The following CCDC172 variants were observed in gnomAD, a reference collection of about 807,000 sequenced individuals.
The protein encoded by CCDC172 is coiled-coil domain-containing protein 172.
A neutral mutation model predicts 38.0 loss-of-function variants in CCDC172; 30 were observed. The observed-to-expected ratio is 0.79, with a 90% CI of 0.59 to 1.07. The LOEUF (loss-of-function observed/expected upper bound fraction) is 1.07. Ranked by LOEUF, CCDC172 falls within the 50% of genes least tolerant of loss-of-function variation. The pLI, the probability that CCDC172 is intolerant of heterozygous loss-of-function variation, is 0.00. For missense variants in CCDC172, 297 were observed against 290.1 expected, an observed-to-expected ratio of 1.02 and a Z score of -0.17; for synonymous variants, 78 against 88.3, an observed-to-expected ratio of 0.88 and a Z score of 0.66.
chr10:116,325,062 G>T lies in CCDC172; in HGVS notation c.51G>T (p.Ala17=). 6.2e-7 allele frequency: 1 copy of T among 1,614,036 alleles called. No homozygotes were observed. The highest frequency in any genetic ancestry group is 8.5e-7 in the Non-Finnish European group (1 of 1,180,018). ...ACATCATCTTCACCGAGCATCAGGCGGAGGAGAGTCGCCGTTTGATGCGAG... is the reference window on the plus strand; with the variant it reads ...ACATCATCTTCACCGAGCATCAGGCTGAGGAGAGTCGCCGTTTGATGCGAG... ...FQHIIFTEHQ[A]EESRRLMREV... Residue 17 remains alanine (A), a synonymous_variant, in exon 2 of 9, where the codon GCG becomes GCT. Coordinates refer to ENST00000333254, the MANE Select transcript of CCDC172 (RefSeq NM_198515.3).
chr10:116,354,292 T>C (rs1040902772), intron 5 of CCDC172, among the ~76,000 whole-genome samples: 2 of 152,230 alleles, frequency 1.3e-5, no homozygotes, highest in African/African-American at 4.8e-5. Flanking sequence ...TTATGTATTA[T>C]TATACTTTTT....
intron 7 of CCDC172, among the ~76,000 whole-genome samples, chr10:116,366,998 A>G (rs1027658148): frequency 6.6e-6 from 1 of 152,042 alleles, no homozygotes; most frequent in East Asian, 1.9e-4. Context: ...TGTTTGAGTA[A>G]TTTGTCTTTT....
chr10:116,342,396 T>C, intron 5 of CCDC172, 195 bp downstream of exon 5: 1 of 426,482 alleles, frequency 2.3e-6, no homozygotes, highest in South Asian at 3.5e-5. Flanking sequence ...ACATGTGACA[T>C]GAACATTTGG....
In CCDC172 at chr10:116,361,984, T is replaced by C. The variant is rs187698982; in HGVS notation, c.653+4046T>C. On this transcript the variant is annotated intron_variant, in intron 7 of 8. Coordinates refer to ENST00000333254, the MANE Select transcript of CCDC172 (RefSeq NM_198515.3). ...GGGGCAGATCACGAGGTCAGGAGAT[T>C]GAGACCATCCTGGCTAACATGGTGA... Among the ~76,000 whole-genome samples the C allele has an allele frequency of 5.7e-3, 874 of 152,162 alleles. 11 individuals are homozygous for C. The highest frequency in any genetic ancestry group is 0.018 in the African/African-American group (733 of 41,510).
intron 3 of CCDC172, among the ~76,000 whole-genome samples, chr10:116,327,376 T>C (rs546818000): frequency 6.6e-6 from 1 of 152,292 alleles, no homozygotes; most frequent in African/African-American, 2.4e-5. Flanking sequence ...AGGTTGCTTA[T>C]ACAAGTTTTT....
At chr10:116,337,006 C>T (rs1844740635) in intron 3 of CCDC172, among the ~76,000 whole-genome samples, 1 of 151,696 alleles carries the variant, frequency 6.6e-6, no homozygotes, top group Admixed American at 6.6e-5. Flanking sequence ...ATTAAAAAAT[C>T]AAATATCCCA....
chr10:116,329,362 T>A (rs1844629251), intron 3 of CCDC172, among the ~76,000 whole-genome samples: 1 of 151,826 alleles, frequency 6.6e-6, no homozygotes, highest in Non-Finnish European at 1.5e-5. Flanking sequence ...GATATGCCAA[T>A]CATTCTTTGA....
chr10:116,358,365 A>G (rs1845025842), intron 7 of CCDC172, among the ~76,000 whole-genome samples: 1 of 151,996 alleles, frequency 6.6e-6, no homozygotes, highest in Non-Finnish European at 1.5e-5. Context: ...GTGAAAATGT[A>G]TTTTCTGTAT....
rs759789240 is a variant in CCDC172, at chr10:116,325,032, T to G, written c.21T>G (p.Phe7Leu). 2 of 1,614,150 alleles carry G rather than the reference T, an allele frequency of 1.2e-6. No individual in the cohort carries two copies. The highest frequency in any genetic ancestry group is 1.1e-5 in the South Asian group (1 of 91,082). Residue 7 changes from phenylalanine to leucine, a missense_variant, in exon 2 of 9, where the codon TTT (phenylalanine) becomes TTG (leucine). Phe to Leu is a conservative substitution (Grantham distance 22). Coordinates refer to ENST00000333254, the MANE Select transcript of CCDC172 (RefSeq NM_198515.3). ...CTGAGATGAGCTTGGAGTCCCTGTTTCAGCACATCATCTTCACCGAGCATC... is the reference window on the plus strand; with the variant it reads ...CTGAGATGAGCTTGGAGTCCCTGTTGCAGCACATCATCTTCACCGAGCATC... MSLESL[F>L]QHIIFTEHQA...
At chr10:116,327,826 C>T (rs920267096) in intron 3 of CCDC172, among the ~76,000 whole-genome samples, 1 of 152,070 alleles carries the variant, frequency 6.6e-6, no homozygotes, top group Non-Finnish European at 1.5e-5. Context: ...AATTATAATG[C>T]ATATGACTAA....
At chr10:116,351,687 G>A (rs751808674) in intron 5 of CCDC172, among the ~76,000 whole-genome samples, 21 of 152,270 alleles carry the variant, frequency 1.4e-4, no homozygotes, top group Non-Finnish European at 2.2e-4. Context: ...AAAATTATAT[G>A]AGAAACTACT....
chr10:116,362,139 G>A lies in CCDC172; in HGVS notation c.653+4201G>A, dbSNP rs76807221. On this transcript the variant is annotated intron_variant, in intron 7 of 8. Coordinates refer to ENST00000333254, the MANE Select transcript of CCDC172 (RefSeq NM_198515.3). ...TGAGAGGCAGAGCTTGCAGTGAGCC[G>A]AGATCGCTTTTCATACCCTTGCTCT... 2.1e-3 allele frequency among the ~76,000 whole-genome samples: 322 copies of A among 152,268 alleles called. 1 individual carries two copies. The East Asian group carries it at 0.039, about 19-fold the overall frequency.
chr10:116,346,610 C>G (rs1453851333), intron 5 of CCDC172, among the ~76,000 whole-genome samples: 1 of 151,358 alleles, frequency 6.6e-6, no homozygotes, highest in Non-Finnish European at 1.5e-5. Context: ...AAATTGTATG[C>G]TCTAAATGAA....
At chr10:116,351,312 G>C (rs956305047) in intron 5 of CCDC172, among the ~76,000 whole-genome samples, 2 of 152,028 alleles carry the variant, frequency 1.3e-5, no homozygotes, top group African/African-American at 4.8e-5. Flanking sequence ...TGTTTATTAA[G>C]GGAGCAGAAG....
chr10:116,360,166 GT>G (rs1361686786), intron 7 of CCDC172, among the ~76,000 whole-genome samples: 2 of 152,136 alleles, frequency 1.3e-5, no homozygotes, highest in Non-Finnish European at 2.9e-5. Context: ...TAAACCATAG[GT>G]TAGGTTAATT....
chr10:116,371,027 G>A (rs1845180818), intron 7 of CCDC172, among the ~76,000 whole-genome samples: 1 of 151,356 alleles, frequency 6.6e-6, no homozygotes, highest in South Asian at 2.1e-4. Flanking sequence ...AAACTATTAT[G>A]CCTCTAATTA....
At chr10:116,367,764 G>A (rs181298785) in intron 7 of CCDC172, among the ~76,000 whole-genome samples, 1 of 152,040 alleles carries the variant, frequency 6.6e-6, no homozygotes, top group East Asian at 1.9e-4. Flanking sequence ...TATCTTAATA[G>A]TGTTCATTAT....
chr10:116,347,634 T>G (rs1235723001), intron 5 of CCDC172, among the ~76,000 whole-genome samples: 1 of 152,030 alleles, frequency 6.6e-6, no homozygotes. Flanking sequence ...TGATTAACAA[T>G]GAAACTCTAG....
At chr10:116,327,692 C>T (rs1363460734) in intron 3 of CCDC172, among the ~76,000 whole-genome samples, 1 of 151,908 alleles carries the variant, frequency 6.6e-6, no homozygotes, top group African/African-American at 2.4e-5. Context: ...TTGTATCTTA[C>T]TAATAAAATT....
Sources: allele counts gnomAD v4.1 joint callset (sites outside exome capture counted in the v4.1 genomes callset), GRCh38; gene constraint gnomAD v4.1.1; transcripts MANE v1.5; gene names NCBI Gene and HGNC (gene_info 2026-07-23, HGNC 2026-07-21).